The following SBF1 variants were observed in gnomAD, a reference collection of about 807,000 sequenced individuals.
The protein encoded by SBF1 is SET binding factor 1.
Under a neutral mutation model 215.8 loss-of-function variants are expected in SBF1, and 65 were observed. The ratio of observed to expected loss-of-function variants is 0.30; its 90% CI spans 0.25 to 0.37. The LOEUF is 0.37. Ranked by LOEUF, SBF1 falls within the 10% of genes least tolerant of loss-of-function variation. The pLI is 1.00. For synonymous variants in SBF1, 1,410 were observed against 1,122.8 expected (o/e 1.26, Z -5.11); for missense variants, 2,634 against 2,667.8 (o/e 0.99, Z 0.28).
Position 50,460,303 on chromosome 22 carries a change from C to T in SBF1, c.3252G>A (p.Pro1084=), listed in dbSNP as rs773504735. Residue 1084 remains proline (P), a synonymous_variant, in exon 25 of 41, where the codon CCG becomes CCA. Transcript: ENST00000380817. ...NPPSWEHRGQ[P]PPEDQEDEIS... Reference sequence around the variant, plus strand: ...TCTCGTCCTCCTGGTCCTCAGGGGGCGGCTGGCCCCGGTGCTCCCAGCTGG... The same window carrying T: ...TCTCGTCCTCCTGGTCCTCAGGGGGTGGCTGGCCCCGGTGCTCCCAGCTGG... 3.7e-6 allele frequency: 6 copies of T among 1,610,120 alleles called. No homozygotes were observed. Among genetic ancestry groups the T allele is most frequent in the African/African-American group, 2.7e-5 (2 of 74,876 alleles).
intron 1 of SBF1, among the ~76,000 whole-genome samples, chr22:50,472,482 G>A (rs973467021): frequency 6.6e-6 from 1 of 152,192 alleles, no homozygotes; most frequent in Non-Finnish European, 1.5e-5. Flanking sequence ...TTGTGTCTGT[G>A]CCTAGAGAGT....
Position 50,464,650 on chromosome 22 carries a change from C to T in SBF1, c.1520G>A (p.Arg507Gln), listed in dbSNP as rs1294559270. 8 of 1,609,040 alleles carry T rather than the reference C, an allele frequency of 5.0e-6. No individual in the cohort carries two copies. In the African/African-American group the frequency reaches 8.0e-5, roughly 16 times the overall value. The change falls in exon 14 of 41, where the codon CGG becomes CAG. Residue 507 changes from arginine to glutamine, a missense_variant. By Grantham distance (43) the Arg-to-Gln change is conservative. Transcript: ENST00000380817. ...CCACTGCACGGTGCCCTCATCCAGCCGGGGGAAGGGTCGGGGCACCCGTCG... is the reference window on the plus strand; with the variant it reads ...CCACTGCACGGTGCCCTCATCCAGCTGGGGGAAGGGTCGGGGCACCCGTCG... ...HLRRVPRPFPRLDEGTVQWIV... is the reference protein window; with the variant it reads ...HLRRVPRPFPQLDEGTVQWIV...
chr22:50,457,731 G>A (rs145945746), intron 28 of SBF1, among the ~76,000 whole-genome samples: 4 of 152,372 alleles, frequency 2.6e-5, no homozygotes, highest in Non-Finnish European at 5.9e-5. Context: ...GGGAGGACTG[G>A]CAGCCCAAAG....
chr22:50,460,658 G>A lies in SBF1; in HGVS notation c.3022C>T (p.Arg1008Cys), dbSNP rs772770639. Residue 1008 changes from arginine (R) to cysteine (C), a missense_variant, in exon 24 of 41, where the codon CGT becomes TGT. Arg to Cys is a radical substitution (Grantham distance 180). Coordinates refer to ENST00000380817, the MANE Select transcript of SBF1 (RefSeq NM_002972.4). ...EVGSDSAELFRKQLHKLRYPP... is the reference protein window; with the variant it reads ...EVGSDSAELFCKQLHKLRYPP... ...TACCGCAGCTTATGCAGCTGCTTAC[G>A]GAAGAGCTCGGCGCTGTCAGACCCC... 10 of 1,613,870 alleles carry A rather than the reference G, an allele frequency of 6.2e-6. No individual in the cohort carries two copies. Among genetic ancestry groups the A allele is most frequent in the African/African-American group, 1.3e-5 (1 of 74,940 alleles).
Position 50,462,950 on chromosome 22 carries a change from G to C in SBF1, c.1900-12C>G. On this transcript the variant is annotated splice_polypyrimidine_tract_variant and intron_variant, in intron 16 of 40. Coordinates refer to ENST00000380817, the MANE Select transcript of SBF1 (RefSeq NM_002972.4). ...AGAGAAGTGCAGTCCTGCAGGTAGA[G>C]CGAGAGACCGTCAGGACCTCTCCCC... 1 of 1,608,860 alleles carries C rather than the reference G, an allele frequency of 6.2e-7. No individual in the cohort carries two copies. Among genetic ancestry groups the C allele is most frequent in the East Asian group, 2.2e-5 (1 of 44,698 alleles).
chr22:50,461,960 A>T lies in SBF1; in HGVS notation c.2556T>A (p.His852Gln). The change falls in exon 20 of 41, where the codon CAT (histidine) becomes CAA (glutamine). Residue 852 changes from histidine to glutamine, a missense_variant. Physicochemically the swap from His to Gln is conservative, Grantham distance 24. Transcript: ENST00000380817. ...GVTSDHLKGLHVMVPDIVQMH... is the reference protein window; with the variant it reads ...GVTSDHLKGLQVMVPDIVQMH... ...AAACCCCCGTACCTGGCACCATGAC[A>T]TGCAGCCCCTTGAGGTGGTCGCTGG... 3 of 1,614,160 alleles carry T rather than the reference A, an allele frequency of 1.9e-6. No homozygotes were observed. Among genetic ancestry groups the T allele is most frequent in the Non-Finnish European group, 2.5e-6 (3 of 1,180,006 alleles).
At position 50,457,117 on chromosome 22, in the gene SBF1, G is replaced by A. The variant is rs560389614; in HGVS notation, c.3827-6C>T. ...CCTGGCTCTGGGGCTGGGAACTGAG[G>A]GCACAGCAGAGAGAAGGCTCAGGCC... On this transcript the variant is annotated splice_polypyrimidine_tract_variant and splice_region_variant and intron_variant, in intron 28 of 40. Transcript: ENST00000380817. 555 of 1,479,328 alleles carry A rather than the reference G, an allele frequency of 3.8e-4. 3 individuals carry two copies. The African/African-American group carries it at 6.9e-3, about 18-fold the overall frequency. The allele number at this position is 1,479,328 out of a possible 1,614,324, so 91.6% of individuals were successfully genotyped here.
rs779547898 is a variant in SBF1 at position 50,447,426 on chromosome 22, T to C, written c.5479A>G (p.Thr1827Ala). The change falls in exon 40 of 41, where the codon ACA becomes GCA. Residue 1827 changes from threonine (T) to alanine (A), a missense_variant. Transcript: ENST00000380817. ...QLRYYDHRVD[T>A]ECKGVIDLAE... ...AAGTCGATGACACCCTTGCACTCTG[T>C]GTCCACACGGTGGTCGTAGTAGCGC... 1.1e-5 allele frequency: 17 copies of C among 1,613,868 alleles called. No homozygotes were observed. Among genetic ancestry groups the C allele is most frequent in the Admixed American group, 1.7e-5 (1 of 59,994 alleles).
Position 50,474,772 on chromosome 22 carries a change from G to A in SBF1, c.55+14C>T, listed in dbSNP as rs775254632. The A allele has an allele frequency of 2.7e-6, 4 of 1,463,028 alleles. No individual in the cohort carries two copies. The South Asian group carries it at 5.1e-5, about 19-fold the overall frequency. The allele number at this position is 1,463,028 out of a possible 1,614,324, so 90.6% of individuals were successfully genotyped here. On this transcript the variant is annotated intron_variant, in intron 1 of 40. Transcript: ENST00000380817. ...CTCGGCCCCCGGCCCTCAGCGCTTGGCCTCGGCACTCACCGCGCGGGTGCG... is the reference window on the plus strand; with the variant it reads ...CTCGGCCCCCGGCCCTCAGCGCTTGACCTCGGCACTCACCGCGCGGGTGCG...
chr22:50,460,197 C>G (rs2067445008), intron 25 of SBF1, 38 bp from the exon 26 acceptor site: 8 of 1,605,700 alleles, frequency 5.0e-6, no homozygotes, highest in African/African-American at 2.7e-5. Flanking sequence ...CACGGGGCCA[C>G]TCCGCCTGCC....
chr22:50,471,878 G>A (rs2068008474), intron 1 of SBF1, among the ~76,000 whole-genome samples: 1 of 152,222 alleles, frequency 6.6e-6, no homozygotes, highest in African/African-American at 2.4e-5. Flanking sequence ...ACAGTCAGGA[G>A]GAGAGGCGAG....
At position 50,474,857 on chromosome 22, in the gene SBF1, C is replaced by G; in HGVS notation, c.-17G>C. ...CCGCGCCATGGCGAGGGACGCGGGG[C>G]GGCCCGAGGGGCGCGGGCGGGCTCC... is the stretch of plus-strand genomic sequence containing the variant. On this transcript the variant is annotated 5_prime_UTR_variant, in exon 1 of 41. Transcript: ENST00000380817. 2 of 1,392,982 alleles carry G rather than the reference C, an allele frequency of 1.4e-6. No individual in the cohort carries two copies. The highest frequency in any genetic ancestry group is 1.9e-6 in the Non-Finnish European group (2 of 1,076,660). 86.3% of individuals were successfully genotyped at this position (1,392,982 alleles called of 1,614,324 possible). A position where few individuals can be genotyped will look rare whatever the true frequency, so the allele number is the denominator to read the frequency against.
chr22:50,447,902 C>G (rs959627491), intron 38 of SBF1, among the ~76,000 whole-genome samples: 2 of 152,240 alleles, frequency 1.3e-5, no homozygotes, highest in East Asian at 1.9e-4. Flanking sequence ...GGAAAGCAGC[C>G]CCCTACACAG....
chr22:50,464,213 G>A (rs1218189598), intron 15 of SBF1, 116 bp downstream of exon 15: 3 of 854,596 alleles, frequency 3.5e-6, no homozygotes, highest in African/African-American at 1.7e-5. Context: ...ACCTCTAGCT[G>A]TCTGTTAGGC....
chr22:50,461,600 G>A lies in SBF1; in HGVS notation c.2762C>T (p.Ala921Val), dbSNP rs1316061544. 1 of 1,612,146 alleles carries A rather than the reference G, an allele frequency of 6.2e-7. No homozygotes were observed. The highest frequency in any genetic ancestry group is 1.7e-5 in the Admixed American group (1 of 59,996). ...GACGGCGCCCTCAGCTGGGAGCAATGCTGGTCCCCCAGCACTGCCCCCCGC... is the reference window on the plus strand; with the variant it reads ...GACGGCGCCCTCAGCTGGGAGCAATACTGGTCCCCCAGCACTGCCCCCCGC... ...EGAGGSAGGP[A>V]LLPAEGAVFL... is the part of the protein sequence containing the mutation. The change falls in exon 22 of 41, where the codon GCA becomes GTA. Residue 921 changes from alanine (A) to valine (V), a missense_variant. Physicochemically the swap from Ala to Val is moderately conservative, Grantham distance 64. Transcript: ENST00000380817.
At chr22:50,459,854 T>C in intron 26 of SBF1, 98 bp downstream of exon 26, 1 of 1,467,126 alleles carries the variant, frequency 6.8e-7, no homozygotes, top group Non-Finnish European at 9.4e-7. Context: ...CCCTCCACAT[T>C]CCTTACATGA....
At chr22:50,449,024 C>T (rs918939877) in intron 36 of SBF1, among the ~76,000 whole-genome samples, 1 of 151,552 alleles carries the variant, frequency 6.6e-6, no homozygotes, top group Non-Finnish European at 1.5e-5. Context: ...ATGGAGAAAC[C>T]GCATCTCTAC....
At chr22:50,465,389 C>T in intron 10 of SBF1, 61 bp from the exon 11 acceptor site, 2 of 1,446,098 alleles carry the variant, frequency 1.4e-6, no homozygotes, top group Non-Finnish European at 1.9e-6. Flanking sequence ...CCAGGCTGCC[C>T]AGGAGCTTCT....
In SBF1 at chr22:50,456,381, G is replaced by C. The variant is rs369760794; in HGVS notation, c.4101C>G (p.Asp1367Glu). The change falls in exon 31 of 41, where the codon GAC becomes GAG. Residue 1367 changes from aspartate (D) to glutamate (E), a missense_variant. Asp to Glu is a conservative substitution (Grantham distance 45). Transcript: ENST00000380817. ...GCACCAGCTCCCACTGCTGCAGGGG[G>C]TCTGACCGCACACCCTGAAAAGAAT... ...DKAQLKGVRS[D>E]PLQQWELVPI... 1 of 1,612,576 alleles carries C rather than the reference G, an allele frequency of 6.2e-7. No individual in the cohort carries two copies. The highest frequency in any genetic ancestry group is 1.3e-5 in the African/African-American group (1 of 74,904).
Sources: allele counts gnomAD v4.1 joint callset (sites outside exome capture counted in the v4.1 genomes callset), GRCh38; gene constraint gnomAD v4.1.1; transcripts MANE v1.5; gene names NCBI Gene and HGNC (gene_info 2026-07-23, HGNC 2026-07-21).